Variants in SYNPR observed in about 807,000 individuals in gnomAD.
SYNPR encodes synaptoporin.
A neutral mutation model predicts 32.9 loss-of-function variants in SYNPR; 23 were observed. That is an observed-to-expected ratio of 0.70 (90% CI 0.50 to 0.99). The LOEUF (loss-of-function observed/expected upper bound fraction) is 0.99. Ranked by LOEUF, SYNPR falls within the 50% of genes least tolerant of loss-of-function variation. SYNPR has a pLI of 0.00. For synonymous variants in SYNPR, 146 were observed against 135.9 expected, an observed-to-expected ratio of 1.07 and a Z score of -0.52; for missense variants, 318 against 349.3, an observed-to-expected ratio of 0.91 and a Z score of 0.71.
intron 2 of SYNPR, among the ~76,000 whole-genome samples, chr3:63,257,952 C>G (rs753829760): frequency 2.6e-5 from 4 of 152,098 alleles, no homozygotes; most frequent in Admixed American, 1.3e-4. Flanking sequence ...TTTAAACCAA[C>G]AAAGATCAAA....
intron 2 of SYNPR, among the ~76,000 whole-genome samples, chr3:63,322,192 A>T (rs1451312): frequency 0.44 from 66,894 of 151,880 alleles, 14,930 homozygotes; most frequent in Middle Eastern, 0.52. Context: ...CTACAGGAAT[A>T]TAGAGTTTTC....
chr3:63,474,572 C>G (rs1178362229), intron 2 of SYNPR, among the ~76,000 whole-genome samples: 1 of 96,818 alleles, frequency 1.0e-5, no homozygotes, highest in Non-Finnish European at 2.3e-5. Context: ...AGATCTCCTC[C>G]TGGTCCAAAT....
chr3:63,388,409 A>G (rs1270903547), intron 2 of SYNPR, among the ~76,000 whole-genome samples: 2 of 127,050 alleles, frequency 1.6e-5, no homozygotes, highest in Non-Finnish European at 1.6e-5. Flanking sequence ...TTTTTTTAAG[A>G]CAGAGTTTCA....
At chr3:63,539,680 G>T in intron 3 of SYNPR, among the ~76,000 whole-genome samples, 1 of 152,122 alleles carries the variant, frequency 6.6e-6, no homozygotes, top group East Asian at 1.9e-4. Flanking sequence ...GGCACAAGGA[G>T]CCTTTATAGG....
chr3:63,240,381 C>A (rs1320234236), intron 1 of SYNPR, among the ~76,000 whole-genome samples: 1 of 152,090 alleles, frequency 6.6e-6, no homozygotes, highest in African/African-American at 2.4e-5. Flanking sequence ...CAAATGTTTT[C>A]TCTCACCATC....
In SYNPR at chr3:63,511,465, A is replaced by G. The variant is rs371497816; in HGVS notation, c.209+30509A>G. Among the ~76,000 whole-genome samples, 115 of 152,290 alleles carry G rather than the reference A, an allele frequency of 7.6e-4. 5 individuals carry two copies. In the South Asian group the frequency reaches 0.024, roughly 31 times the overall value. On this transcript the variant is annotated intron_variant, in intron 3 of 5. Coordinates refer to ENST00000478300, the MANE Select transcript of SYNPR (RefSeq NM_001130003.2). ...GTCCTTGTTTTGCAAAAGGGAACAC[A>G]GGCATTTGTTTCTACTTCTTTTCTT...
At chr3:63,384,454 T>C (rs1404587262) in intron 2 of SYNPR, among the ~76,000 whole-genome samples, 1 of 152,190 alleles carries the variant, frequency 6.6e-6, no homozygotes, top group Non-Finnish European at 1.5e-5. Flanking sequence ...GATAATGTCT[T>C]TCTTTGACTA....
intron 4 of SYNPR, among the ~76,000 whole-genome samples, chr3:63,563,191 G>C (rs985828441): frequency 1.3e-5 from 2 of 152,116 alleles, no homozygotes; most frequent in African/African-American, 4.8e-5. Context: ...AGTCGCCAAG[G>C]ATAGAGCTTA....
chr3:63,236,146 T>A (rs998199459), intron 1 of SYNPR, among the ~76,000 whole-genome samples: 2 of 152,044 alleles, frequency 1.3e-5, no homozygotes, highest in Non-Finnish European at 2.9e-5. Context: ...CTTCCTTCAA[T>A]GCATTGCTTT....
chr3:63,478,902 A>G (rs1426891694), intron 2 of SYNPR, among the ~76,000 whole-genome samples: 1 of 152,166 alleles, frequency 6.6e-6, no homozygotes, highest in Non-Finnish European at 1.5e-5. Flanking sequence ...AACTAGAATT[A>G]AGCATTGAAC....
intron 4 of SYNPR, among the ~76,000 whole-genome samples, chr3:63,584,847 C>A (rs545570308): frequency 6.6e-6 from 1 of 152,142 alleles, no homozygotes; most frequent in South Asian, 2.1e-4. Flanking sequence ...AGGAGGTTTC[C>A]TCATAGGCTA....
At chr3:63,612,265 T>C (rs887067851) in intron 5 of SYNPR, among the ~76,000 whole-genome samples, 2 of 152,196 alleles carry the variant, frequency 1.3e-5, no homozygotes, top group African/African-American at 4.8e-5. Context: ...TTATGGCAAA[T>C]GGTCAATACA....
At chr3:63,314,952 G>A (rs1308892475) in intron 2 of SYNPR, among the ~76,000 whole-genome samples, 37 of 151,938 alleles carry the variant, frequency 2.4e-4, no homozygotes, top group Admixed American at 2.4e-3. Context: ...TCCTGCATGT[G>A]CCTAGCCAAT....
At chr3:63,426,384 G>C (rs1196869014) in intron 2 of SYNPR, among the ~76,000 whole-genome samples, 1 of 152,158 alleles carries the variant, frequency 6.6e-6, no homozygotes, top group Non-Finnish European at 1.5e-5. Flanking sequence ...CTTTATGTCA[G>C]CCACAAAGAA....
At chr3:63,300,076 T>C (rs2086827624) in intron 2 of SYNPR, among the ~76,000 whole-genome samples, 1 of 152,122 alleles carries the variant, frequency 6.6e-6, no homozygotes. Context: ...ACTATGGTAC[T>C]CAAGAGTGAT....
intron 4 of SYNPR, 120 bp downstream of exon 4, chr3:63,556,861 C>CT (rs1702604068): frequency 1.0e-6 from 1 of 961,664 alleles, no homozygotes; most frequent in African/African-American, 1.7e-5. Context: ...AAATCACATT[C>CT]TTTTTTATCC....
intron 4 of SYNPR, among the ~76,000 whole-genome samples, chr3:63,576,491 T>C (rs1384719160): frequency 6.6e-6 from 1 of 152,060 alleles, no homozygotes; most frequent in Non-Finnish European, 1.5e-5. Flanking sequence ...TTTCCATGCA[T>C]AGAAAACACG....
At chr3:63,204,065 G>A in the SYNPR span, among the ~76,000 whole-genome samples, 1 of 152,060 alleles carries the variant, frequency 6.6e-6, no homozygotes, top group Non-Finnish European at 1.5e-5. Context: ...CCTTTAATAA[G>A]ATCATCAAGA....
At chr3:63,347,307 G>A (rs7623933) in intron 2 of SYNPR, among the ~76,000 whole-genome samples, 31,078 of 152,014 alleles carry the variant, frequency 0.2, 3,639 homozygotes, top group South Asian at 0.38. Context: ...AAACATTTTC[G>A]TATGGTTGCT....
Sources: allele counts gnomAD v4.1 joint callset (sites outside exome capture counted in the v4.1 genomes callset), GRCh38; gene constraint gnomAD v4.1.1; transcripts MANE v1.5; gene names NCBI Gene and HGNC (gene_info 2026-07-23, HGNC 2026-07-21).